KIF3C: variants seen among roughly 807,000 people sequenced by gnomAD.
The protein encoded by KIF3C is kinesin family member 3C.
KIF3C carries 12 observed loss-of-function variants against 67.7 expected under a neutral mutation model. The ratio of observed to expected loss-of-function variants is 0.18; its 90% CI spans 0.11 to 0.29. The LOEUF (loss-of-function observed/expected upper bound fraction) is 0.29, where lower values mean the gene tolerates loss of function less well. KIF3C is among the 10% of genes least tolerant of loss of function. The pLI is 1.00. For missense variants in KIF3C, 789 were observed against 1,059.6 expected (o/e 0.74, Z 3.55); for synonymous variants, 393 against 426.2 (o/e 0.92, Z 0.96).
chr2:25,973,848 A>G (rs973915074), intron 1 of KIF3C, among the ~76,000 whole-genome samples: 1 of 152,172 alleles, frequency 6.6e-6, no homozygotes, highest in Non-Finnish European at 1.5e-5. Context: ...GGGTTTTCCT[A>G]TTGGAGTAAC....
intron 5 of KIF3C, among the ~76,000 whole-genome samples, chr2:25,939,488 A>G (rs1482718965): frequency 6.6e-6 from 1 of 152,102 alleles, no homozygotes; most frequent in Non-Finnish European, 1.5e-5. Context: ...GGAAGCTGCA[A>G]CTGCTCCCTG....
intron 5 of KIF3C, among the ~76,000 whole-genome samples, chr2:25,944,229 T>A (rs1236376991): frequency 6.6e-6 from 1 of 151,890 alleles, no homozygotes; most frequent in Non-Finnish European, 1.5e-5. Flanking sequence ...TATTTCTTAA[T>A]AACTGTTTTA....
rs567213438 is a variant in KIF3C, at chr2:25,975,263, C to T, written c.1545+5110G>A. Among the ~76,000 whole-genome samples the T allele has an allele frequency of 2.6e-5, 4 of 152,124 alleles. No homozygotes were observed. In the East Asian group the frequency reaches 5.8e-4, roughly 22 times the overall value. ...GCAGCCTCAACCTCCTGGGCTCAAG[C>T]GATCCTCCCACCTCAGTCTCCTGCG... is the stretch of plus-strand genomic sequence containing the variant. On this transcript the variant is annotated intron_variant, in intron 1 of 7. Coordinates refer to ENST00000264712, the MANE Select transcript of KIF3C (RefSeq NM_002254.8).
chr2:25,969,303 T>TC (rs890602735), intron 1 of KIF3C, among the ~76,000 whole-genome samples: 27 of 152,078 alleles, frequency 1.8e-4, no homozygotes, highest in East Asian at 1.7e-3. Flanking sequence ...CTTTTATATG[T>TC]CCCCCCCGTC....
intron 4 of KIF3C, 153 bp downstream of exon 4, chr2:25,954,114 G>C (rs1297147933): frequency 3.0e-6 from 2 of 677,866 alleles, no homozygotes; most frequent in Non-Finnish European, 5.3e-6. Context: ...AGAAACTCCA[G>C]CACGTGGGCC....
At chr2:25,929,570 G>C in intron 6 of KIF3C, 93 bp from the exon 7 acceptor site, 1 of 1,061,046 alleles carries the variant, frequency 9.4e-7, no homozygotes, top group South Asian at 1.3e-5. Context: ...GGGCTGATGA[G>C]GTGGTTAGGG....
chr2:25,949,480 G>A (rs1360742897), intron 5 of KIF3C, among the ~76,000 whole-genome samples: 1 of 152,062 alleles, frequency 6.6e-6, no homozygotes, highest in Non-Finnish European at 1.5e-5. Context: ...GGAGGCTGAG[G>A]TTGCAGTGAG....
At chr2:25,953,137 T>C (rs2149232624) in intron 4 of KIF3C, among the ~76,000 whole-genome samples, 1 of 151,114 alleles carries the variant, frequency 6.6e-6, no homozygotes, top group Non-Finnish European at 1.5e-5. Flanking sequence ...GGTGTGGTGG[T>C]GGGCGCCTGT....
At chr2:25,970,757 CA>C (rs1664261628) in intron 1 of KIF3C, among the ~76,000 whole-genome samples, 1 of 151,288 alleles carries the variant, frequency 6.6e-6, no homozygotes, top group Admixed American at 6.6e-5. Flanking sequence ...TTATTACCAC[CA>C]CTGTTGTTAT....
chr2:25,948,475 C>T (rs1171287054), intron 5 of KIF3C, among the ~76,000 whole-genome samples: 5 of 151,766 alleles, frequency 3.3e-5, no homozygotes, highest in Admixed American at 1.3e-4. Context: ...TCACTTGAGC[C>T]CAGGAGCCCG....
intron 5 of KIF3C, among the ~76,000 whole-genome samples, chr2:25,946,069 T>A (rs1213078605): frequency 1.3e-5 from 2 of 152,078 alleles, no homozygotes; most frequent in East Asian, 1.9e-4. Context: ...GCTGAGATCA[T>A]GCCACTGCAC....
At chr2:25,942,707 T>G (rs1447086947) in intron 5 of KIF3C, among the ~76,000 whole-genome samples, 1 of 152,108 alleles carries the variant, frequency 6.6e-6, no homozygotes, top group Non-Finnish European at 1.5e-5. Flanking sequence ...ACCGCGCCAG[T>G]GCAAAAATGT....
At chr2:25,937,002 T>C (rs1663147408) in intron 5 of KIF3C, among the ~76,000 whole-genome samples, 1 of 152,218 alleles carries the variant, frequency 6.6e-6, no homozygotes, top group African/African-American at 2.4e-5. Flanking sequence ...TCTCTGAGCC[T>C]CAGATATATC....
At chr2:25,963,465 T>A (rs34492331) in intron 1 of KIF3C, among the ~76,000 whole-genome samples, 17,723 of 149,772 alleles carry the variant, frequency 0.12, 1,329 homozygotes, top group African/African-American at 0.2. Flanking sequence ...AGTGCTGTGA[T>A]CACAGGTGTG....
Position 25,929,384 on chromosome 2 carries a change from G to A in KIF3C, c.2209C>T (p.Leu737=). The change falls in exon 7 of 8, where the codon CTA becomes TTA. Residue 737 remains leucine, a synonymous_variant. Transcript: ENST00000264712. ...SHDQEQDPRA[L]HMERLMRLDS... Reference sequence around the variant, plus strand: ...AATCGCATGAGCCTCTCCATGTGTAGCGCACGAGGGTCTTGTTCTTGGTCG... The same window carrying A: ...AATCGCATGAGCCTCTCCATGTGTAACGCACGAGGGTCTTGTTCTTGGTCG... 6.2e-7 allele frequency: 1 copy of A among 1,614,126 alleles called. No homozygotes were observed. The highest frequency in any genetic ancestry group is 8.5e-7 in the Non-Finnish European group (1 of 1,179,982).
At chr2:25,953,484 C>T (rs1663697211) in intron 4 of KIF3C, among the ~76,000 whole-genome samples, 1 of 150,250 alleles carries the variant, frequency 6.7e-6, no homozygotes, top group Non-Finnish European at 1.5e-5. Context: ...CCTCAGCCTC[C>T]CAAGTAGCTG....
rs1324755625 is a variant in KIF3C at position 25,955,913 on chromosome 2, C to A, written c.1648-250G>T. ...CCAGCCCCTAAGAGCTGGCCTACTC[C>A]AGAGGCGTTAGTCACACAGATGGAG... On this transcript the variant is annotated intron_variant, in intron 2 of 7. Transcript: ENST00000264712. This position sits in a 1 kb window ranked among gnomAD's most constrained non-coding sequence, Gnocchi z 5.0. Among the ~76,000 whole-genome samples, 2 of 152,198 alleles carry A rather than the reference C, an allele frequency of 1.3e-5. No homozygotes were observed. The highest frequency in any genetic ancestry group is 2.4e-5 in the African/African-American group (1 of 41,452).
chr2:25,965,390 T>TA (rs2149239561), intron 1 of KIF3C, among the ~76,000 whole-genome samples: 1 of 152,280 alleles, frequency 6.6e-6, no homozygotes, highest in Admixed American at 6.5e-5. Flanking sequence ...GGCTTAGAAA[T>TA]AGATTTTTTT....
In KIF3C at chr2:25,929,357, C is replaced by T; in HGVS notation, c.2236G>A (p.Asp746Asn). The T allele has an allele frequency of 6.2e-7, 1 of 1,614,160 alleles. No individual in the cohort carries two copies. Among genetic ancestry groups the T allele is most frequent in the Non-Finnish European group, 8.5e-7 (1 of 1,180,018 alleles). ...ALHMERLMRL[D>N]SFLERPSTSK... ...GTGGAAGGTCTTTCCAGAAAGCTGT[C>T]CAATCGCATGAGCCTCTCCATGTGT... The change falls in exon 7 of 8, where the codon GAC becomes AAC. Residue 746 changes from aspartate (D) to asparagine (N), a missense_variant. By Grantham distance (23) the Asp-to-Asn change is conservative (BLOSUM62 1). Around this residue, in one of 2 missense-constraint regions of KIF3C, gnomAD observed 648 missense variants for 807.8 expected, o/e 0.80. Coordinates refer to ENST00000264712, the MANE Select transcript of KIF3C (RefSeq NM_002254.8).
Sources: gnomAD v4.1 joint callset for allele counts (sites outside exome capture counted in the v4.1 genomes callset) on GRCh38, gnomAD v4.1.1 for gene constraint, gnomAD v4.1.1 regional missense constraint, Gnocchi (gnomAD v3.1) non-coding constraint, MANE v1.5 for transcripts, NCBI Gene and HGNC (gene_info 2026-07-23, HGNC 2026-07-21) for gene names.